The following NCOA2 variants were observed in gnomAD, a reference collection of about 807,000 sequenced individuals.
NCOA2 encodes nuclear receptor coactivator 2.
A neutral mutation model predicts 145.1 loss-of-function variants in NCOA2; 21 were observed. The ratio of observed to expected loss-of-function variants is 0.14; its 90% confidence interval spans 0.10 to 0.21. The LOEUF (loss-of-function observed/expected upper bound fraction) is 0.21. NCOA2 is among the 10% of genes least tolerant of loss of function. NCOA2 has a pLI of 1.00. For synonymous variants in NCOA2, 619 were observed against 637.5 expected, an observed-to-expected ratio of 0.97 and a Z score of 0.44; for missense variants, 1,472 against 1,837.6, an observed-to-expected ratio of 0.80 and a Z score of 3.64.
chr8:70,448,288 A>G, the NCOA2 span, among the ~76,000 whole-genome samples: 2 of 152,358 alleles, frequency 1.3e-5, no homozygotes, highest in South Asian at 4.1e-4. Context: ...GTGAGAAAGC[A>G]GGTAATATTT....
intron 21 of NCOA2, among the ~76,000 whole-genome samples, chr8:70,122,926 A>G (rs1319933209): frequency 1.3e-5 from 2 of 152,246 alleles, no homozygotes; most frequent in Non-Finnish European, 2.9e-5. Context: ...CTTATATGAA[A>G]TAAGAGTCAA....
At chr8:70,334,116 G>A (rs1278322542) in intron 1 of NCOA2, among the ~76,000 whole-genome samples, 1 of 152,150 alleles carries the variant, frequency 6.6e-6, no homozygotes, top group Non-Finnish European at 1.5e-5. Flanking sequence ...GCTCTATATA[G>A]TGAACTCAAT....
intron 2 of NCOA2, among the ~76,000 whole-genome samples, chr8:70,290,338 G>A (rs750389684): frequency 6.6e-6 from 1 of 151,806 alleles, no homozygotes; most frequent in African/African-American, 2.4e-5. Context: ...ACAGGCGCCT[G>A]CCACCACACC....
At chr8:70,309,181 CCT>C (rs1404312301) in intron 1 of NCOA2, among the ~76,000 whole-genome samples, 1 of 151,984 alleles carries the variant, frequency 6.6e-6, no homozygotes, top group African/African-American at 2.4e-5. Context: ...TATTATAGCC[CCT>C]GACAGTTCCT....
chr8:70,255,121 G>A (rs943642191), intron 2 of NCOA2, among the ~76,000 whole-genome samples: 1 of 152,176 alleles, frequency 6.6e-6, no homozygotes, highest in African/African-American at 2.4e-5. Flanking sequence ...GAGAAGCCAA[G>A]TGGCAACAGA....
chr8:70,395,749 G>T (rs1164468702), intron 1 of NCOA2, among the ~76,000 whole-genome samples: 1 of 152,116 alleles, frequency 6.6e-6, no homozygotes, highest in Non-Finnish European at 1.5e-5. Flanking sequence ...CATTTAGACG[G>T]GGACTTCAAT....
chr8:70,337,488 T>C (rs1257436382), intron 1 of NCOA2, among the ~76,000 whole-genome samples: 4 of 152,190 alleles, frequency 2.6e-5, no homozygotes, highest in Non-Finnish European at 5.9e-5. Flanking sequence ...ACATAATAGC[T>C]GTGGGACCTT....
intron 1 of NCOA2, among the ~76,000 whole-genome samples, chr8:70,372,500 A>G (rs1190002827): frequency 1.3e-5 from 2 of 152,188 alleles, no homozygotes; most frequent in African/African-American, 2.4e-5. Flanking sequence ...AATTGCCACA[A>G]ATGCTCATTT....
intron 1 of NCOA2, among the ~76,000 whole-genome samples, chr8:70,389,184 T>G (rs1812951317): frequency 6.6e-6 from 1 of 152,114 alleles, no homozygotes; most frequent in Non-Finnish European, 1.5e-5. Context: ...AGTATTTTCC[T>G]CCCAACTGAC....
intron 1 of NCOA2, among the ~76,000 whole-genome samples, chr8:70,381,009 T>G (rs866967734): frequency 6.6e-6 from 1 of 150,970 alleles, no homozygotes; most frequent in African/African-American, 2.4e-5. Context: ...GGAGGTTGAG[T>G]TGCAGTGAGT....
At chr8:70,113,761 G>A in intron 22 of NCOA2, 118 bp from the exon 23 acceptor site, 1 of 960,266 alleles carries the variant, frequency 1.0e-6, no homozygotes, top group Non-Finnish European at 1.6e-6. Context: ...AAATCACAGA[G>A]GCCGCATCTG....
chr8:70,141,037 AGAGTTCCAG>A (rs1159949439), intron 14 of NCOA2, 138 bp downstream of exon 14: 96 of 741,362 alleles, frequency 1.3e-4, no homozygotes, highest in Non-Finnish European at 2.1e-4. Context: ...AATTCCATAC[AGAGTTCCAG>A]CAAAATCCCA....
chr8:70,176,790 T>C (rs1324116480), intron 4 of NCOA2, among the ~76,000 whole-genome samples: 4 of 152,178 alleles, frequency 2.6e-5, no homozygotes, highest in Non-Finnish European at 5.9e-5. Context: ...CTTGCTACAG[T>C]AGCTATGCTG....
At chr8:70,406,313 T>C (rs1466563074), upstream of NCOA2, among the ~76,000 whole-genome samples, 1 of 152,230 alleles carries the variant, frequency 6.6e-6, no homozygotes, top group Non-Finnish European at 1.5e-5. Context: ...AGAACTTTGA[T>C]TCCCATGAGA....
chr8:70,279,243 T>C (rs1478286693), intron 2 of NCOA2, among the ~76,000 whole-genome samples: 1 of 152,176 alleles, frequency 6.6e-6, no homozygotes, highest in African/African-American at 2.4e-5. Flanking sequence ...CAGTAGGTGC[T>C]TCCCCTTATG....
At chr8:70,234,614 TAAC>T (rs939177883) in intron 2 of NCOA2, among the ~76,000 whole-genome samples, 7 of 152,170 alleles carry the variant, frequency 4.6e-5, no homozygotes, top group African/African-American at 1.2e-4. Flanking sequence ...CCTTCCCTAA[TAAC>T]AATATTGAGC....
intron 1 of NCOA2, among the ~76,000 whole-genome samples, chr8:70,298,164 G>A (rs1022384252): frequency 6.6e-6 from 1 of 152,084 alleles, no homozygotes; most frequent in Non-Finnish European, 1.5e-5. Context: ...ATTCCTTTAA[G>A]AGCCCTTTAC....
Position 70,177,765 on chromosome 8 carries a change from C to T in NCOA2, c.260-2906G>A, listed in dbSNP as rs544477779. Among the ~76,000 whole-genome samples the T allele has an allele frequency of 5.3e-5, 8 of 152,120 alleles. No individual in the cohort carries two copies. The South Asian group carries it at 1.2e-3, about 24-fold the overall frequency. ...ATGAATTTAATTTAGGTTAATGTTG[C>T]GGGAGAGAGTGAGAGGAAACAACAG... On this transcript the variant is annotated intron_variant, in intron 4 of 22. Transcript: ENST00000452400.
intron 1 of NCOA2, among the ~76,000 whole-genome samples, chr8:70,400,193 T>C (rs914760177): frequency 6.6e-6 from 1 of 152,140 alleles, no homozygotes; most frequent in Non-Finnish European, 1.5e-5. Context: ...ACTCAAAACA[T>C]AATAAATCCG....
Sources: allele counts gnomAD v4.1 joint callset (sites outside exome capture counted in the v4.1 genomes callset), GRCh38; gene constraint gnomAD v4.1.1; transcripts MANE v1.5; gene names NCBI Gene and HGNC (gene_info 2026-07-23, HGNC 2026-07-21).